MAGI2: variants seen among roughly 807,000 people sequenced by gnomAD.
MAGI2 encodes the protein membrane-associated guanylate kinase, WW and PDZ domain-containing protein 2.
Under a neutral mutation model 133.3 loss-of-function variants are expected in MAGI2, and 35 were observed. The ratio of observed to expected loss-of-function variants is 0.26; its 90% CI spans 0.20 to 0.35. The LOEUF (loss-of-function observed/expected upper bound fraction) is 0.35. Ranked by LOEUF, MAGI2 falls within the 10% of genes least tolerant of loss-of-function variation. The pLI is 1.00. For missense variants in MAGI2, 1,636 were observed against 1,863.4 expected (o/e 0.88, Z 2.25); for synonymous variants, 729 against 710.6 (o/e 1.03, Z -0.41).
intron 4 of MAGI2, among the ~76,000 whole-genome samples, chr7:78,507,208 A>C (rs1166908345): frequency 6.6e-6 from 1 of 152,154 alleles, no homozygotes; most frequent in Non-Finnish European, 1.5e-5. Flanking sequence ...AATAAGACAA[A>C]AAAAATGAAT....
chr7:78,979,420 C>G (rs1804590416), intron 2 of MAGI2, among the ~76,000 whole-genome samples: 2 of 151,862 alleles, frequency 1.3e-5, no homozygotes, highest in South Asian at 4.2e-4. Context: ...CTAAACTGGT[C>G]ACCTTCTCCT....
rs1287418979 is a variant in MAGI2, at chr7:79,271,142, AG to A, written c.301+181877del. On this transcript the variant is annotated intron_variant, in intron 1 of 21. Coordinates refer to ENST00000354212, the MANE Select transcript of MAGI2 (RefSeq NM_012301.4). ...GCTAATAAGTTGCAATTTTCTTCCTAGGGTTCCCTTGATGAAGCTAGCCTTC... is the reference window on the plus strand; with the variant it reads ...GCTAATAAGTTGCAATTTTCTTCCTAGGTTCCCTTGATGAAGCTAGCCTTC... 3.9e-5 allele frequency among the ~76,000 whole-genome samples: 6 copies of A among 152,028 alleles called. No individual in the cohort carries two copies. The East Asian group carries it at 1.2e-3, about 29-fold the overall frequency.
chr7:79,047,416 T>C (rs1812269351), intron 1 of MAGI2, among the ~76,000 whole-genome samples: 1 of 152,060 alleles, frequency 6.6e-6, no homozygotes, highest in Non-Finnish European at 1.5e-5. Context: ...TATGGACAAG[T>C]ACAAAATAAT....
At chr7:78,965,480 C>T (rs138927833) in intron 2 of MAGI2, among the ~76,000 whole-genome samples, 1 of 151,840 alleles carries the variant, frequency 6.6e-6, no homozygotes, top group East Asian at 1.9e-4. Context: ...AGAAGATGGG[C>T]TATTTTAAGT....
chr7:78,719,249 TAATAA>T (rs1215856510), intron 2 of MAGI2, among the ~76,000 whole-genome samples: 5 of 152,144 alleles, frequency 3.3e-5, no homozygotes, highest in African/African-American at 9.7e-5. Context: ...TTTTACATTC[TAATAA>T]AATAAACAAT....
intron 21 of MAGI2, among the ~76,000 whole-genome samples, chr7:78,075,825 T>C (rs55710552): frequency 0.17 from 25,654 of 152,150 alleles, 4,134 homozygotes; most frequent in African/African-American, 0.43. Context: ...TATCACTTGA[T>C]GACATTATCC....
chr7:78,471,564 A>G (rs1791205088), intron 6 of MAGI2, among the ~76,000 whole-genome samples: 1 of 152,170 alleles, frequency 6.6e-6, no homozygotes, highest in Non-Finnish European at 1.5e-5. Flanking sequence ...TGTATATTTC[A>G]AAGTATTTTC....
chr7:78,665,174 A>G (rs1008480991), intron 2 of MAGI2, among the ~76,000 whole-genome samples: 5 of 152,118 alleles, frequency 3.3e-5, no homozygotes, highest in African/African-American at 1.2e-4. Flanking sequence ...CCTAGAGGTG[A>G]TGTTACTACC....
At chr7:79,446,324 A>G (rs1446269780) in intron 1 of MAGI2, among the ~76,000 whole-genome samples, 1 of 152,228 alleles carries the variant, frequency 6.6e-6, no homozygotes. Context: ...AATTAAAAAA[A>G]GAAGAAAATT....
At chr7:78,300,117 TCA>T (rs1797703151) in intron 9 of MAGI2, among the ~76,000 whole-genome samples, 1 of 152,184 alleles carries the variant, frequency 6.6e-6, no homozygotes, top group Non-Finnish European at 1.5e-5. Context: ...TCCACAAAAA[TCA>T]CAGACATTTT....
intron 1 of MAGI2, among the ~76,000 whole-genome samples, chr7:79,191,402 CTTTTTTTTTTTTTTT>C (rs71095386): frequency 0.065 from 1,468 of 22,488 alleles, 58 homozygotes; most frequent in African/African-American, 0.18. Flanking sequence ...CTTTTTCTTT[CTTTTTTTTTTTTTTT>C]TTTTTTTTTT....
chr7:78,815,212 T>C (rs17151526), intron 2 of MAGI2, among the ~76,000 whole-genome samples: 1,804 of 152,256 alleles, frequency 0.012, 28 homozygotes, highest in African/African-American at 0.042. Context: ...TCTGCATATA[T>C]ATCACTCAGG....
At chr7:78,476,304 G>A (rs963983490) in intron 6 of MAGI2, among the ~76,000 whole-genome samples, 2 of 151,928 alleles carry the variant, frequency 1.3e-5, no homozygotes, top group African/African-American at 4.8e-5. Flanking sequence ...AGCCTCAAAG[G>A]AAAAGTTTAG....
chr7:79,113,780 CTAA>C (rs1819145713), intron 1 of MAGI2, among the ~76,000 whole-genome samples: 2 of 151,068 alleles, frequency 1.3e-5, no homozygotes, highest in South Asian at 4.2e-4. Flanking sequence ...CAGGGCAGTG[CTAA>C]TAATAATCTC....
At chr7:79,276,716 C>T (rs1220688142) in intron 1 of MAGI2, among the ~76,000 whole-genome samples, 3 of 152,154 alleles carry the variant, frequency 2.0e-5, no homozygotes, top group African/African-American at 4.8e-5. Context: ...GGAATCCCAA[C>T]ACTTTGGGAG....
chr7:79,122,365 A>G (rs1819979626), intron 1 of MAGI2, among the ~76,000 whole-genome samples: 1 of 152,222 alleles, frequency 6.6e-6, no homozygotes, highest in Non-Finnish European at 1.5e-5. Context: ...TCACATAACT[A>G]TGACTATGCA....
At chr7:78,287,421 G>A (rs1301511754) in intron 9 of MAGI2, among the ~76,000 whole-genome samples, 2 of 152,294 alleles carry the variant, frequency 1.3e-5, no homozygotes, top group South Asian at 4.1e-4. Context: ...CTGATATGTA[G>A]TAGGAAATAC....
At chr7:78,693,704 G>C (rs1817207546) in intron 2 of MAGI2, among the ~76,000 whole-genome samples, 3 of 152,146 alleles carry the variant, frequency 2.0e-5, no homozygotes, top group Non-Finnish European at 4.4e-5. Context: ...TGCTAGAACA[G>C]TGCTCACTTA....
intron 2 of MAGI2, among the ~76,000 whole-genome samples, chr7:78,657,950 G>A (rs1812486550): frequency 6.6e-6 from 1 of 152,028 alleles, no homozygotes; most frequent in Non-Finnish European, 1.5e-5. Flanking sequence ...ACTTCACTGT[G>A]AACCTAAAAC....
Sources: allele counts gnomAD v4.1 joint callset (sites outside exome capture counted in the v4.1 genomes callset), GRCh38; gene constraint gnomAD v4.1.1; transcripts MANE v1.5; gene names NCBI Gene and HGNC (gene_info 2026-07-23, HGNC 2026-07-21).